CFAP70: variants seen among roughly 807,000 people sequenced by gnomAD.
The protein encoded by CFAP70 is cilia- and flagella-associated protein 70.
A neutral mutation model predicts 137.6 loss-of-function variants in CFAP70; 81 were observed. The ratio of observed to expected loss-of-function variants is 0.59; its 90% confidence interval spans 0.49 to 0.71. The LOEUF (loss-of-function observed/expected upper bound fraction) is 0.71, where lower values mean the gene tolerates loss of function less well. CFAP70 is among the 30% of genes least tolerant of loss of function. The pLI, the probability that CFAP70 is intolerant of heterozygous loss-of-function variation, is 0.00. For synonymous variants in CFAP70, 382 were observed against 423.6 expected, an observed-to-expected ratio of 0.90 and a Z score of 1.20; for missense variants, 976 against 1,226.7, an observed-to-expected ratio of 0.80 and a Z score of 3.05.
At chr10:73,297,627 A>G (rs948630712) in intron 14 of CFAP70, among the ~76,000 whole-genome samples, 4 of 152,176 alleles carry the variant, frequency 2.6e-5, no homozygotes, top group Non-Finnish European at 5.9e-5. Flanking sequence ...GAGGATATGT[A>G]GTTCTGGTAT....
chr10:73,283,416 G>A (rs373953165), intron 19 of CFAP70, among the ~76,000 whole-genome samples: 22 of 152,170 alleles, frequency 1.4e-4, no homozygotes, highest in Admixed American at 2.0e-4. Context: ...TATCAAATAC[G>A]GAGATAGGGG....
chr10:73,349,034 C>A (rs1430239232), intron 3 of CFAP70, among the ~76,000 whole-genome samples: 1 of 149,668 alleles, frequency 6.7e-6, no homozygotes, highest in African/African-American at 2.5e-5. Flanking sequence ...TGCACCCAGC[C>A]TGGGCAACAA....
At chr10:73,328,850 G>A (rs1436041948) in intron 8 of CFAP70, among the ~76,000 whole-genome samples, 1 of 151,118 alleles carries the variant, frequency 6.6e-6, no homozygotes, top group Non-Finnish European at 1.5e-5. Flanking sequence ...ACAGGTACTG[G>A]AGAGGATGTG....
exon 16 of CFAP70, chr10:73,293,327 T>C (rs2048310074): frequency 6.2e-7 from 1 of 1,612,390 alleles, no homozygotes; most frequent in African/African-American, 1.3e-5. Context: ...TGCAAAGAGT[T>C]GAAGCTGTTC....
At chr10:73,291,149 G>A in intron 19 of CFAP70, 77 bp downstream of exon 20, 4 of 1,321,398 alleles carry the variant, frequency 3.0e-6, no homozygotes, top group Non-Finnish European at 4.3e-6. Context: ...CAGGTTGCTA[G>A]GACTACAGGT....
At chr10:73,277,307 C>G (rs1320116902) in exon 21 of CFAP70, 2 of 1,614,018 alleles carry the variant, frequency 1.2e-6, no homozygotes, top group African/African-American at 2.7e-5. Context: ...TTGAGAAACA[C>G]CATAATGAAG....
At chr10:73,314,394 T>G (rs1429429371) in intron 9 of CFAP70, among the ~76,000 whole-genome samples, 1 of 152,192 alleles carries the variant, frequency 6.6e-6, no homozygotes, top group African/African-American at 2.4e-5. Context: ...TCCTACCACC[T>G]CTGTGATAAA....
intron 5 of CFAP70, among the ~76,000 whole-genome samples, chr10:73,342,206 G>A (rs941990964): frequency 6.6e-6 from 1 of 152,058 alleles, no homozygotes; most frequent in African/African-American, 2.4e-5. Context: ...ACAAAAACAT[G>A]CTATGTTTCA....
At chr10:73,273,335 A>C in intron 23 of CFAP70, among the ~76,000 whole-genome samples, 1 of 152,216 alleles carries the variant, frequency 6.6e-6, no homozygotes. Flanking sequence ...CCTCCACTTC[A>C]TGGATTACTC....
chr10:73,256,946 CT>C (rs1414143879), intron 25 of CFAP70, among the ~76,000 whole-genome samples: 2 of 151,018 alleles, frequency 1.3e-5, no homozygotes, highest in East Asian at 3.9e-4. Context: ...TTCCTCCTTC[CT>C]TTTGAAAAGC....
At chr10:73,282,589 A>G (rs4469801) in intron 19 of CFAP70, among the ~76,000 whole-genome samples, 146,863 of 151,978 alleles carry the variant, frequency 0.97, 71,008 homozygotes, top group East Asian at 1. Flanking sequence ...CAGTAGAGAC[A>G]GGGGTTTTAC....
intron 5 of CFAP70, among the ~76,000 whole-genome samples, chr10:73,343,315 C>A (rs555595773): frequency 6.6e-6 from 1 of 152,022 alleles, no homozygotes; most frequent in Non-Finnish European, 1.5e-5. Context: ...TGATGCTGCG[C>A]CAACCCAGGA....
chr10:73,332,713 T>G (rs984179163), intron 7 of CFAP70, among the ~76,000 whole-genome samples: 3 of 150,562 alleles, frequency 2.0e-5, no homozygotes, highest in Non-Finnish European at 4.4e-5. Context: ...ACAGGGGAGG[T>G]GGGGGAAAAA....
intron 26 of CFAP70, among the ~76,000 whole-genome samples, chr10:73,255,549 G>C (rs2044402596): frequency 6.6e-6 from 1 of 152,170 alleles, no homozygotes; most frequent in African/African-American, 2.4e-5. Flanking sequence ...GCAAGACTCT[G>C]TCTCAAAATA....
At chr10:73,345,291 C>G in intron 4 of CFAP70, 47 bp from the exon 6 acceptor site, 1 of 1,546,892 alleles carries the variant, frequency 6.5e-7, no homozygotes, top group Non-Finnish European at 8.9e-7. Flanking sequence ...TGCCAGAGAT[C>G]TTCCTTTTTT....
intron 2 of CFAP70, 146 bp from the exon 3 acceptor site, chr10:73,353,888 A>AAAATC: frequency 1.5e-6 from 1 of 684,278 alleles, no homozygotes; most frequent in South Asian, 2.0e-5. Context: ...AATAGGTAGA[A>AAAATC]AAATCATTAA....
chr10:73,341,527 C>T, exon 6 of CFAP70: 1 of 1,614,136 alleles, frequency 6.2e-7, no homozygotes, highest in Non-Finnish European at 8.5e-7. Context: ...GGAACAGGTT[C>T]CCTTTCCCCT....
chr10:73,329,481 A>G (rs1564851339), intron 8 of CFAP70, among the ~76,000 whole-genome samples: 1 of 152,178 alleles, frequency 6.6e-6, no homozygotes, highest in African/African-American at 2.4e-5. Flanking sequence ...CCTAAAACTT[A>G]AAGTATAATA....
intron 2 of CFAP70, 99 bp from the exon 3 acceptor site, chr10:73,353,841 A>C (rs2054468195): frequency 9.0e-7 from 1 of 1,107,232 alleles, no homozygotes; most frequent in South Asian, 1.5e-5. Context: ...AGCATTTTTC[A>C]TTTTTTCCTA....
Sources: gnomAD v4.1 joint callset for allele counts (sites outside exome capture counted in the v4.1 genomes callset) on GRCh38, gnomAD v4.1.1 for gene constraint, MANE v1.5 for transcripts, NCBI Gene and HGNC (gene_info 2026-07-23, HGNC 2026-07-21) for gene names.